Variants in RGS3 observed in about 807,000 individuals in gnomAD.
The protein encoded by RGS3 is regulator of G-protein signalling 3.
In RGS3, 80 loss-of-function variants were observed where a neutral mutation model predicts 132.6. That is an observed-to-expected ratio of 0.60 (90% CI 0.50 to 0.73). The LOEUF is 0.73. RGS3 is among the 30% of genes least tolerant of loss of function. RGS3 has a pLI of 0.00. For missense variants in RGS3, 1,382 were observed against 1,530.8 expected, an observed-to-expected ratio of 0.90 and a Z score of 1.62; for synonymous variants, 598 against 620.6, an observed-to-expected ratio of 0.96 and a Z score of 0.54.
intron 19 of RGS3, among the ~76,000 whole-genome samples, chr9:113,559,130 T>G (rs1336009447): frequency 6.6e-6 from 1 of 152,218 alleles, no homozygotes; most frequent in Admixed American, 6.5e-5. Context: ...GGGGAGTGTG[T>G]GGAGAACTGT....
intron 15 of RGS3, 54 bp downstream of exon 13, chr9:113,514,708 G>A: frequency 6.4e-7 from 1 of 1,571,488 alleles, no homozygotes; most frequent in Non-Finnish European, 8.7e-7. Flanking sequence ...AGAAAGAGGA[G>A]GGCCCTTGCC....
Position 113,507,171 on chromosome 9 carries a change from C to T in RGS3, c.1086-116C>T. The T allele has an allele frequency of 5.0e-6, 4 of 801,332 alleles. No individual in the cohort carries two copies. In the South Asian group the frequency reaches 7.4e-5, roughly 15 times the overall value. 49.6% of individuals were successfully genotyped at this position (801,332 alleles called of 1,614,324 possible). A position where few individuals can be genotyped will look rare whatever the true frequency, so the allele number is the denominator to read the frequency against. On this transcript the variant is annotated intron_variant, in intron 12 of 24. Transcript: ENST00000350696. This position sits in a 1 kb window ranked among gnomAD's most constrained non-coding sequence, Gnocchi z 5.0. Reference sequence around the variant, plus strand: ...TTCCTGCCCTGACACTGGGGGCTTCCCCTCTGGTGTCTGCCTCCTCTTCCC... The same window carrying T: ...TTCCTGCCCTGACACTGGGGGCTTCTCCTCTGGTGTCTGCCTCCTCTTCCC...
chr9:113,524,297 C>G (rs943905430), intron 17 of RGS3, among the ~76,000 whole-genome samples: 4 of 152,182 alleles, frequency 2.6e-5, no homozygotes, highest in Non-Finnish European at 4.4e-5. Context: ...TGCACTCACA[C>G]CGAGTCCCTT....
Position 113,529,924 on chromosome 9 carries a change from C to A in RGS3, c.1914+660C>A, listed in dbSNP as rs527431831. 2.6e-5 allele frequency among the ~76,000 whole-genome samples: 4 copies of A among 152,304 alleles called. No individual in the cohort carries two copies. In the East Asian group the frequency reaches 7.7e-4, roughly 29 times the overall value. ...TGATTTGGTTTGGTAGATAAAATAT[C>A]ATTAAGGCTGGGGTTTAACCCAAGA... is the stretch of plus-strand genomic sequence containing the variant. On this transcript the variant is annotated intron_variant, in intron 18 of 24. Transcript: ENST00000350696.
At chr9:113,528,704 A>C (rs1265811854) in intron 17 of RGS3, among the ~76,000 whole-genome samples, 1 of 152,226 alleles carries the variant, frequency 6.6e-6, no homozygotes. Flanking sequence ...AGAGAGGTGA[A>C]GCCTGGGCCT....
chr9:113,595,003 C>G (rs752444706), intron 23 of RGS3, 23 bp downstream of exon 21: 2 of 1,609,734 alleles, frequency 1.2e-6, no homozygotes. Flanking sequence ...TGCCTGCCCA[C>G]TCCCTGTGCC....
At chr9:113,505,713 T>G (rs946241789) in intron 11 of RGS3, among the ~76,000 whole-genome samples, 190 bp downstream of exon 9, 3 of 152,228 alleles carry the variant, frequency 2.0e-5, no homozygotes, top group Admixed American at 6.5e-5. Flanking sequence ...CCACTTTTTT[T>G]TTGTTGTTTT....
In RGS3 at chr9:113,469,703, A is replaced by G. The variant is rs202246050; in HGVS notation, c.415+7502A>G. Among the ~76,000 whole-genome samples, 7 of 152,198 alleles carry G rather than the reference A, an allele frequency of 4.6e-5. No individual in the cohort carries two copies. In the East Asian group the frequency reaches 1.4e-3, roughly 29 times the overall value. Reference sequence around the variant, plus strand: ...GTTTTTTTCTTTATCATTTACTTCAAAATATTTTCTAATTTTCATTGTCAT... The same window carrying G: ...GTTTTTTTCTTTATCATTTACTTCAGAATATTTTCTAATTTTCATTGTCAT... On this transcript the variant is annotated intron_variant, in intron 3 of 24. Transcript: ENST00000350696.
rs530953716 is a variant in RGS3 at position 113,540,105 on chromosome 9, C to T, written c.2037+3187C>T. Among the ~76,000 whole-genome samples the T allele has an allele frequency of 3.3e-5, 5 of 152,140 alleles. No homozygotes were observed. The East Asian group carries it at 9.7e-4, about 29-fold the overall frequency. On this transcript the variant is annotated intron_variant, in intron 19 of 24. Transcript: ENST00000350696. ...TTCCTACTCCTGTTCATCACCCGCTCCTTCCTTTTCAGAGCTCTGCCCCTC... is the reference window on the plus strand; with the variant it reads ...TTCCTACTCCTGTTCATCACCCGCTTCTTCCTTTTCAGAGCTCTGCCCCTC...
intron 19 of RGS3, among the ~76,000 whole-genome samples, chr9:113,572,326 A>G (rs1181590484): frequency 6.6e-6 from 1 of 151,906 alleles, no homozygotes; most frequent in East Asian, 1.9e-4. Flanking sequence ...GGTTTGGAGA[A>G]GACTGTAAAT....
chr9:113,518,667 C>T (rs1251588093), intron 16 of RGS3, among the ~76,000 whole-genome samples: 1 of 152,172 alleles, frequency 6.6e-6, no homozygotes. Flanking sequence ...GGACTGCATG[C>T]TCCCTTCCAC....
Position 113,517,643 on chromosome 9 carries a change from T to C in RGS3, c.1758+19T>C, listed in dbSNP as rs1285666067. 1 of 1,601,330 alleles carries C rather than the reference T, an allele frequency of 6.2e-7. No individual in the cohort carries two copies. Among genetic ancestry groups the C allele is most frequent in the East Asian group, 2.2e-5 (1 of 44,832 alleles). On this transcript the variant is annotated intron_variant, in intron 16 of 24. Coordinates refer to ENST00000350696, the Ensembl canonical transcript of RGS3. ...TGCCGAGGTAAGACTTTCACCTGCA[T>C]TTTTTAGGGGGCTTTCTGGGTGGGC...
intron 4 of RGS3, among the ~76,000 whole-genome samples, chr9:113,480,261 G>A (rs7867430): frequency 0.22 from 33,245 of 151,652 alleles, 3,799 homozygotes; most frequent in African/African-American, 0.29. Flanking sequence ...GTTCAAGACC[G>A]GCCTGGCCAA....
chr9:113,516,365 T>C (rs1588187420), intron 15 of RGS3, among the ~76,000 whole-genome samples: 1 of 152,036 alleles, frequency 6.6e-6, no homozygotes, highest in East Asian at 1.9e-4. Flanking sequence ...CTTTTTCTTT[T>C]TTTTTTTTTG....
At chr9:113,451,957 T>C (rs1390837680) in intron 1 of RGS3, among the ~76,000 whole-genome samples, 1 of 152,126 alleles carries the variant, frequency 6.6e-6, no homozygotes, top group Non-Finnish European at 1.5e-5. Context: ...TTGGAAGATA[T>C]TTTTTGCTGG....
intron 19 of RGS3, among the ~76,000 whole-genome samples, chr9:113,547,591 A>G (rs968127705): frequency 2.0e-5 from 3 of 152,204 alleles, no homozygotes; most frequent in Admixed American, 6.5e-5. Context: ...ATTAAAAGCA[A>G]TGTCAAGAAC....
At chr9:113,594,779 G>A in intron 22 of RGS3, 140 bp from the exon 21 acceptor site, 1 of 787,266 alleles carries the variant, frequency 1.3e-6, no homozygotes, top group Non-Finnish European at 2.1e-6. Flanking sequence ...GAAAGAGGGT[G>A]GGCCTCCTTC....
chr9:113,584,048 A>C (rs779771580), exon 20 of RGS3: 152 of 1,613,982 alleles, frequency 9.4e-5, no homozygotes, highest in Non-Finnish European at 1.2e-4. Context: ...TCGGGAGATG[A>C]GGAGGATGCA....
At chr9:113,585,303 G>A (rs1835061546) in intron 20 of RGS3, among the ~76,000 whole-genome samples, 1 of 152,216 alleles carries the variant, frequency 6.6e-6, no homozygotes, top group South Asian at 2.1e-4. Flanking sequence ...CTGAGCCATA[G>A]TTTTCTTCTC....
Sources: gnomAD v4.1 joint callset for allele counts (sites outside exome capture counted in the v4.1 genomes callset) on GRCh38, gnomAD v4.1.1 for gene constraint, Gnocchi (gnomAD v3.1) non-coding constraint, MANE v1.5 for transcripts, NCBI Gene and HGNC (gene_info 2026-07-23, HGNC 2026-07-21) for gene names.